Variants in PTPN18 observed in about 807,000 individuals in gnomAD.
PTPN18 encodes the protein tyrosine-protein phosphatase non-receptor type 18.
Under a neutral mutation model 65.4 loss-of-function variants are expected in PTPN18, and 65 were observed. The ratio of observed to expected loss-of-function variants is 0.99; its 90% CI spans 0.81 to 1.22. The LOEUF is 1.22. PTPN18 is among the 50% of genes most tolerant of loss of function. PTPN18 has a pLI of 0.00. For missense variants in PTPN18, 616 were observed against 646.5 expected, an observed-to-expected ratio of 0.95 and a Z score of 0.51; for synonymous variants, 255 against 267.8, an observed-to-expected ratio of 0.95 and a Z score of 0.47.
rs1680528372 is a variant in PTPN18 at position 130,370,639 on chromosome 2, C to T, written c.756+16C>T. ...CCTGACCCAGGTACGATACAGGCAT[C>T]CTGTGTGTGCAGTGTGCTGCCCATG... is the stretch of plus-strand genomic sequence containing the variant. On this transcript the variant is annotated intron_variant, in intron 9 of 14. Transcript: ENST00000175756. 6 of 1,614,078 alleles carry T rather than the reference C, an allele frequency of 3.7e-6. No homozygotes were observed. In the South Asian group the frequency reaches 5.5e-5, roughly 15 times the overall value.
At position 130,374,249 on chromosome 2, in the gene PTPN18, A is replaced by T; in HGVS notation, c.*1025A>T. On this transcript the variant is annotated 3_prime_UTR_variant, in exon 15 of 15. Transcript: ENST00000175756. ...ATCAGGACCTATCTAGGCAGACCCC[A>T]GCCAGACCCCCGCCAGACAGACTCC... The T allele has an allele frequency of 5.0e-6, 1 of 201,358 alleles. No individual in the cohort carries two copies. The highest frequency in any genetic ancestry group is 1.0e-5 in the Non-Finnish European group (1 of 96,490). The allele number at this position is 201,358 out of a possible 1,614,324, so 12.5% of individuals were successfully genotyped here. A position where few individuals can be genotyped will look rare whatever the true frequency, so the allele number is the denominator to read the frequency against.
chr2:130,374,311 C>T lies in PTPN18; in HGVS notation c.*1087C>T, dbSNP rs781774060. On this transcript the variant is annotated 3_prime_UTR_variant, in exon 15 of 15. Coordinates refer to ENST00000175756, the MANE Select transcript of PTPN18 (RefSeq NM_014369.4). ...ACCCCTTACTATTCACACAGCCTGC[C>T]GAGTAGCTGGGACTACAGGTCTAAT... 3 of 245,814 alleles carry T rather than the reference C, an allele frequency of 1.2e-5. No homozygotes were observed. Among genetic ancestry groups the T allele is most frequent in the East Asian group, 1.0e-4 (1 of 10,012 alleles). The allele number at this position is 245,814 out of a possible 1,614,324, so 15.2% of individuals were successfully genotyped here.
Position 130,356,172 on chromosome 2 carries a change from A to AG in PTPN18, c.70dup (p.Ala24GlyfsTer20). Reference sequence around the variant, plus strand: ...CGGCTGGAAGCGCGGGGCGGCCGGGAGGGGGCAGTCCTCGCCGGCGAGTTC... The same window carrying AG: ...CGGCTGGAAGCGCGGGGCGGCCGGGAGGGGGGCAGTCCTCGCCGGCGAGTTC... On this transcript the variant is annotated frameshift_variant, in exon 1 of 15. Transcript: ENST00000175756. LOFTEE classifies it high-confidence loss of function. 1 of 1,311,590 alleles carries AG rather than the reference A, an allele frequency of 7.6e-7. No individual in the cohort carries two copies. The highest frequency in any genetic ancestry group is 9.7e-7 in the Non-Finnish European group (1 of 1,034,644). 81.2% of individuals were successfully genotyped at this position (1,311,590 alleles called of 1,614,324 possible). A position where few individuals can be genotyped will look rare whatever the true frequency, so the allele number is the denominator to read the frequency against.
chr2:130,360,450 G>GA (rs1194120795), intron 5 of PTPN18, among the ~76,000 whole-genome samples: 3 of 152,150 alleles, frequency 2.0e-5, no homozygotes, highest in African/African-American at 7.2e-5. Flanking sequence ...GCTGATGGTG[G>GA]AGGCTGTATG....
At chr2:130,371,883 T>G (rs897415621) in intron 12 of PTPN18, 1 of 231,702 alleles carries the variant, frequency 4.3e-6, no homozygotes, top group African/African-American at 2.3e-5. Context: ...GCACGTTGGG[T>G]GCTGCGGACA....
At chr2:130,361,453 T>C (rs768898128) in intron 5 of PTPN18, among the ~76,000 whole-genome samples, 17 of 152,162 alleles carry the variant, frequency 1.1e-4, no homozygotes, top group Non-Finnish European at 2.1e-4. Flanking sequence ...TTTGTTAATA[T>C]TTTTTTCTGA....
intron 5 of PTPN18, among the ~76,000 whole-genome samples, chr2:130,366,884 T>C (rs1283761439): frequency 2.0e-5 from 3 of 151,932 alleles, no homozygotes; most frequent in Non-Finnish European, 4.4e-5. Context: ...GAGTGCAGTG[T>C]GCAGTCACCA....
chr2:130,359,719 G>C, intron 5 of PTPN18, 73 bp downstream of exon 5: 1 of 1,530,798 alleles, frequency 6.5e-7, no homozygotes, highest in Non-Finnish European at 9.0e-7. Flanking sequence ...GCTCCTCCTT[G>C]ACCCCAGGAC....
At chr2:130,371,759 A>G (rs1229660756) in intron 12 of PTPN18, among the ~76,000 whole-genome samples, 1 of 152,164 alleles carries the variant, frequency 6.6e-6, no homozygotes, top group East Asian at 1.9e-4. Flanking sequence ...AGGTTGCAGT[A>G]AGCCGAGATC....
intron 1 of PTPN18, among the ~76,000 whole-genome samples, chr2:130,357,680 C>G (rs1184072645): frequency 6.6e-6 from 1 of 151,602 alleles, no homozygotes; most frequent in African/African-American, 2.4e-5. Flanking sequence ...CACGGTGAAA[C>G]CCCGTCTCTA....
In PTPN18 at chr2:130,370,148, G is replaced by A. The variant is rs201696667; in HGVS notation, c.647G>A (p.Arg216His). 61 of 1,613,720 alleles carry A rather than the reference G, an allele frequency of 3.8e-5. No homozygotes were observed. The Admixed American group carries it at 6.0e-4, about 16-fold the overall frequency. Residue 216 changes from arginine (R) to histidine (H), a missense_variant, in exon 8 of 15, where the codon CGC becomes CAC. Transcript: ENST00000175756. The stretch of plus-strand genomic sequence containing the variant: ...CTCGCCATGGTGGAGGAAGCCCGTC[G>A]CCTCCAGGGATCTGGCCCTGAACCC... ...HMLAMVEEAR[R>H]LQGSGPEPLC...
At chr2:130,364,536 C>T (rs768648652) in intron 5 of PTPN18, among the ~76,000 whole-genome samples, 1 of 152,204 alleles carries the variant, frequency 6.6e-6, no homozygotes, top group Non-Finnish European at 1.5e-5. Flanking sequence ...GTGGCTCACG[C>T]CTGTAATCCC....
In PTPN18 at chr2:130,359,449, C is replaced by A. The variant is rs1558840955; in HGVS notation, c.332C>A (p.Thr111Asn). Residue 111 changes from threonine to asparagine, a missense_variant, in exon 4 of 15, where the codon ACC becomes AAC. Physicochemically the swap from Thr to Asn is moderately conservative, Grantham distance 65. Coordinates refer to ENST00000175756, the MANE Select transcript of PTPN18 (RefSeq NM_014369.4). ...YIATQGPLPH[T>N]LLDFWRLVWE... ...GCCACGCAAGGACCCTTGCCTCACA[C>A]CCTGCTAGACTTCTGGAGACTGGTC... 6.2e-7 allele frequency: 1 copy of A among 1,614,182 alleles called. No individual in the cohort carries two copies. The highest frequency in any genetic ancestry group is 8.5e-7 in the Non-Finnish European group (1 of 1,180,032).
chr2:130,372,178 T>C, intron 12 of PTPN18, 79 bp from the exon 13 acceptor site: 1 of 1,378,034 alleles, frequency 7.3e-7, no homozygotes, highest in African/African-American at 1.5e-5. Context: ...AGCCCGTGGT[T>C]TGCGCGCTGA....
At chr2:130,372,713 G>T (rs1391238763) in intron 13 of PTPN18, 160 bp from the exon 14 acceptor site, 1 of 1,003,864 alleles carries the variant, frequency 1.0e-6, no homozygotes, top group Non-Finnish European at 1.4e-6. Flanking sequence ...TCTTGGCCGC[G>T]CCCAAAGGCT....
At chr2:130,356,312 C>T in intron 1 of PTPN18, 112 bp downstream of exon 1, 2 of 755,586 alleles carry the variant, frequency 2.6e-6, no homozygotes, top group Non-Finnish European at 3.8e-6. Flanking sequence ...CCGGTGTCTC[C>T]CCGCCTCGGG....
chr2:130,370,861 C>A lies in PTPN18; in HGVS notation c.835-14C>A. ...CCCCTGCCTTCCCTTCTTGATGGTC[C>A]CTCACCCCAACAGGAGCAGTACAGG... On this transcript the variant is annotated splice_polypyrimidine_tract_variant and intron_variant, in intron 10 of 14. Coordinates refer to ENST00000175756, the MANE Select transcript of PTPN18 (RefSeq NM_014369.4). 1 of 1,613,762 alleles carries A rather than the reference C, an allele frequency of 6.2e-7. No homozygotes were observed.
chr2:130,358,986 G>A lies in PTPN18; in HGVS notation c.202+11G>A. The A allele has an allele frequency of 6.2e-7, 1 of 1,613,264 alleles. No individual in the cohort carries two copies. Among genetic ancestry groups the A allele is most frequent in the Non-Finnish European group, 8.5e-7 (1 of 1,179,342 alleles). On this transcript the variant is annotated intron_variant, in intron 2 of 14. Transcript: ENST00000175756. ...AAGACGTGCTGCCTTGTAAGTCGGG[G>A]CTTCCGTAGGGAGTCGGTGCAGCCT...
intron 5 of PTPN18, among the ~76,000 whole-genome samples, chr2:130,364,688 CG>C (rs1680327700): frequency 6.6e-6 from 1 of 152,116 alleles, no homozygotes; most frequent in African/African-American, 2.4e-5. Context: ...CCCAGCTACT[CG>C]GGAGGCTGAG....
Sources: allele counts gnomAD v4.1 joint callset (sites outside exome capture counted in the v4.1 genomes callset), GRCh38; gene constraint gnomAD v4.1.1; transcripts MANE v1.5; gene names NCBI Gene and HGNC (gene_info 2026-07-23, HGNC 2026-07-21).